GRIP1: variants seen among roughly 807,000 people sequenced by gnomAD.
The protein encoded by GRIP1 is glutamate receptor-interacting protein 1.
A neutral mutation model predicts 129.9 loss-of-function variants in GRIP1; 45 were observed. The ratio of observed to expected loss-of-function variants is 0.35; its 90% CI spans 0.27 to 0.44. The LOEUF (loss-of-function observed/expected upper bound fraction) is 0.44, where lower values mean the gene tolerates loss of function less well. Ranked by LOEUF, GRIP1 falls within the 20% of genes least tolerant of loss-of-function variation. The pLI is 1.00. For missense variants in GRIP1, 1,196 were observed against 1,396.8 expected (o/e 0.86, Z 2.29); for synonymous variants, 530 against 520.8 (o/e 1.02, Z -0.24).
intron 1 of GRIP1, among the ~76,000 whole-genome samples, chr12:66,825,252 TC>T (rs1267246301): frequency 6.6e-6 from 1 of 152,214 alleles, no homozygotes; most frequent in Non-Finnish European, 1.5e-5. Flanking sequence ...GCAAATTTTT[TC>T]ATGCCATAAA....
intron 1 of GRIP1, among the ~76,000 whole-genome samples, chr12:66,707,503 TA>T (rs58564255): frequency 0.037 from 2,357 of 64,028 alleles, 41 homozygotes; most frequent in African/African-American, 0.12. Flanking sequence ...AATCACTGAC[TA>T]AAAAAAAAAA....
At chr12:66,760,557 G>C (rs928327949) in intron 1 of GRIP1, among the ~76,000 whole-genome samples, 3 of 152,118 alleles carry the variant, frequency 2.0e-5, no homozygotes, top group Non-Finnish European at 4.4e-5. Context: ...CTTATTCACT[G>C]TCATGAGAAC....
chr12:66,398,311 TA>T (rs1157079669), intron 16 of GRIP1, among the ~76,000 whole-genome samples: 1 of 150,862 alleles, frequency 6.6e-6, no homozygotes, highest in Non-Finnish European at 1.5e-5. Flanking sequence ...AAGAATAAAA[TA>T]CAACCCCTGT....
intron 1 of GRIP1, among the ~76,000 whole-genome samples, chr12:66,684,378 T>C (rs4244068): frequency 0.77 from 117,775 of 152,188 alleles, 45,856 homozygotes; most frequent in East Asian, 0.82. Flanking sequence ...CCTCTTCCTG[T>C]TCTCATGCCT....
chr12:67,063,285 C>A (rs764389119), intron 1 of GRIP1, among the ~76,000 whole-genome samples: 2 of 152,132 alleles, frequency 1.3e-5, no homozygotes, highest in Non-Finnish European at 2.9e-5. Context: ...TATTCATCAC[C>A]TCACTTGGTG....
At chr12:66,522,138 G>C (rs2061034321) in intron 5 of GRIP1, among the ~76,000 whole-genome samples, 1 of 152,240 alleles carries the variant, frequency 6.6e-6, no homozygotes, top group African/African-American at 2.4e-5. Flanking sequence ...CTGTCTGACA[G>C]CTTTGAAGAG....
At chr12:66,584,135 A>G (rs1285485594) in intron 2 of GRIP1, among the ~76,000 whole-genome samples, 1 of 150,328 alleles carries the variant, frequency 6.7e-6, no homozygotes, top group Non-Finnish European at 1.5e-5. Flanking sequence ...GGAAATCATC[A>G]TTCTCAGTAA....
intron 1 of GRIP1, among the ~76,000 whole-genome samples, chr12:66,893,297 A>AG (rs140394346): frequency 0.045 from 6,917 of 152,074 alleles, 533 homozygotes; most frequent in African/African-American, 0.16. Context: ...GCCCAGGCTG[A>AG]GTACAGTGGT....
At chr12:66,450,792 A>C (rs1850628094) in intron 11 of GRIP1, among the ~76,000 whole-genome samples, 1 of 152,150 alleles carries the variant, frequency 6.6e-6, no homozygotes, top group Non-Finnish European at 1.5e-5. Context: ...ATTACCAGAT[A>C]TGAAAAAGAT....
At chr12:66,400,450 TAGGGGAAA>T (rs1304927900) in intron 16 of GRIP1, among the ~76,000 whole-genome samples, 1 of 152,198 alleles carries the variant, frequency 6.6e-6, no homozygotes, top group Non-Finnish European at 1.5e-5. Context: ...AATCTGGGTT[TAGGGGAAA>T]AAGCTACTGC....
chr12:66,663,964 C>T (rs78564134), intron 1 of GRIP1, among the ~76,000 whole-genome samples: 2,064 of 152,202 alleles, frequency 0.014, 56 homozygotes, highest in African/African-American at 0.048. Context: ...ACAGTGTTAG[C>T]GCTACTTGAA....
intron 1 of GRIP1, among the ~76,000 whole-genome samples, chr12:66,661,390 C>T (rs1372077194): frequency 3.4e-5 from 5 of 148,672 alleles, no homozygotes; most frequent in African/African-American, 1.2e-4. Context: ...GGAATTACTT[C>T]CATCAAACAA....
intron 1 of GRIP1, among the ~76,000 whole-genome samples, chr12:66,820,151 C>A (rs1387740496): frequency 6.6e-5 from 10 of 152,172 alleles, no homozygotes; most frequent in African/African-American, 2.4e-4. Context: ...TGGCTCACGC[C>A]TGTAATCCCA....
intron 7 of GRIP1, among the ~76,000 whole-genome samples, chr12:66,466,463 C>G (rs948890944): frequency 6.6e-6 from 1 of 152,210 alleles, no homozygotes; most frequent in Non-Finnish European, 1.5e-5. Flanking sequence ...GCCACAGACA[C>G]AAGGGAAAGA....
chr12:66,525,448 G>A (rs937937417), intron 5 of GRIP1, among the ~76,000 whole-genome samples: 2 of 152,116 alleles, frequency 1.3e-5, no homozygotes, highest in Non-Finnish European at 2.9e-5. Flanking sequence ...TATCTCAATA[G>A]ATGCAGAAAA....
At chr12:66,551,878 G>A (rs2062151535) in intron 2 of GRIP1, among the ~76,000 whole-genome samples, 1 of 152,068 alleles carries the variant, frequency 6.6e-6, no homozygotes, top group African/African-American at 2.4e-5. Context: ...CACAGTGCCA[G>A]GCAGGGCAGT....
intron 1 of GRIP1, among the ~76,000 whole-genome samples, chr12:66,831,639 T>C (rs963818775): frequency 6.6e-5 from 10 of 152,226 alleles, no homozygotes; most frequent in Non-Finnish European, 1.2e-4. Context: ...AACTTTGCTG[T>C]GGTCACACAG....
intron 1 of GRIP1, among the ~76,000 whole-genome samples, chr12:66,929,832 T>G (rs2041358690): frequency 6.6e-6 from 1 of 152,212 alleles, no homozygotes. Context: ...TTCTGTCACC[T>G]GCTCATCTGC....
At position 66,774,403 on chromosome 12, in the gene GRIP1, C is replaced by T. The variant is rs563108148; in HGVS notation, c.-420+29650G>A. The stretch of plus-strand genomic sequence containing the variant: ...AACTCAACCCAATATGAATGTGACA[C>T]AACTGAATTAATGTGTTAAGAAGTG... On this transcript the variant is annotated intron_variant, in intron 1 of 4. Coordinates refer to the GRIP1 transcript ENST00000538373. Among the ~76,000 whole-genome samples, 7 of 152,266 alleles carry T rather than the reference C, an allele frequency of 4.6e-5. No individual in the cohort carries two copies. The South Asian group carries it at 8.3e-4, about 18-fold the overall frequency.
Sources: allele counts gnomAD v4.1 joint callset (sites outside exome capture counted in the v4.1 genomes callset), GRCh38; gene constraint gnomAD v4.1.1; transcripts MANE v1.5; gene names NCBI Gene and HGNC (gene_info 2026-07-23, HGNC 2026-07-21).